Variants in GSX1 observed in about 807,000 individuals in gnomAD.
The protein encoded by GSX1 is GS homeobox 1.
GSX1 carries 13 observed loss-of-function variants against 17.7 expected under a neutral mutation model. The observed-to-expected ratio is 0.74, with a 90% CI of 0.48 to 1.17. The LOEUF (loss-of-function observed/expected upper bound fraction) is 1.17, where lower values mean the gene tolerates loss of function less well. GSX1 is among the 50% of genes most tolerant of loss of function. GSX1 has a pLI of 0.00. For missense variants in GSX1, 371 were observed against 372.1 expected (o/e 1.00, Z 0.02); for synonymous variants, 202 against 176.2 (o/e 1.15, Z -1.16).
rs757083516 is a variant in GSX1 at position 27,793,968 on chromosome 13, G to T, written c.*20G>T. ...CCCTAGGCGCGTGTCTCCCTAGGTC[G>T]CCCACCCCAAGACCTCCCTGCGCCT... On this transcript the variant is annotated 3_prime_UTR_variant, in exon 2 of 2. Transcript: ENST00000302945. This position sits in a 1 kb window ranked among gnomAD's most constrained non-coding sequence, Gnocchi z 6.2. 29 of 1,528,824 alleles carry T rather than the reference G, an allele frequency of 1.9e-5. No individual in the cohort carries two copies. The highest frequency in any genetic ancestry group is 9.1e-5 in the South Asian group (7 of 77,340). 94.7% of individuals were successfully genotyped at this position (1,528,824 alleles called of 1,614,324 possible).
rs919848453 is a variant in GSX1 at position 27,794,577 on chromosome 13, C to T, written c.*629C>T. The T allele has an allele frequency of 1.3e-5, 2 of 152,130 alleles. No individual in the cohort carries two copies. The highest frequency in any genetic ancestry group is 4.8e-5 in the African/African-American group (2 of 41,404). The allele number at this position is 152,130 out of a possible 1,614,324, so 9.4% of individuals were successfully genotyped here. On this transcript the variant is annotated 3_prime_UTR_variant, in exon 2 of 2. Coordinates refer to ENST00000302945, the MANE Select transcript of GSX1 (RefSeq NM_145657.3). ...TTGCTGTCCTCAGTCCCCACGGCTC[C>T]TCTCACAGATGATAAATTTCGCCCG... is the stretch of plus-strand genomic sequence containing the variant.
chr13:27,792,806 T>C lies in GSX1; in HGVS notation c.116T>C (p.Leu39Pro), dbSNP rs1292127694. The stretch of plus-strand genomic sequence containing the variant: ...TACGCTGTGCCCCCGCCGCACGCGC[T>C]GCACGGTCTCTCGCCTGGCGCCTGC... ...FPYAVPPPHA[L>P]HGLSPGACHA... The change falls in exon 1 of 2, where the codon CTG becomes CCG. Residue 39 changes from leucine (L) to proline (P), a missense_variant. Leu to Pro is a moderately conservative substitution (Grantham distance 98, BLOSUM62 -3). Transcript: ENST00000302945. 6 of 1,506,238 alleles carry C rather than the reference T, an allele frequency of 4.0e-6. No homozygotes were observed. In the African/African-American group the frequency reaches 7.2e-5, roughly 18 times the overall value. 93.3% of individuals were successfully genotyped at this position (1,506,238 alleles called of 1,614,324 possible).
chr13:27,793,811 G>C lies in GSX1; in HGVS notation c.658G>C (p.Gly220Arg). Residue 220 changes from glycine to arginine, a missense_variant, in exon 2 of 2, where the codon GGT becomes CGT. Around this residue, in one of 3 missense-constraint regions of GSX1, gnomAD observed 92 missense variants for 70.0 expected, o/e 1.31. Transcript: ENST00000302945. This position sits in a 1 kb window ranked among gnomAD's most constrained non-coding sequence, Gnocchi z 6.2. ...NHRGGGGGGA[G>R]GGGSAPQGCK... Reference sequence around the variant, plus strand: ...TCGTGGCGGCGGCGGCGGGGGTGCCGGTGGTGGCGGGAGCGCACCGCAAGG... The same window carrying C: ...TCGTGGCGGCGGCGGCGGGGGTGCCCGTGGTGGCGGGAGCGCACCGCAAGG... 6.2e-7 allele frequency: 1 copy of C among 1,613,418 alleles called. No homozygotes were observed. The highest frequency in any genetic ancestry group is 8.5e-7 in the Non-Finnish European group (1 of 1,179,688).
Position 27,792,725 on chromosome 13 carries a change from T to G in GSX1, c.35T>G (p.Leu12Arg). 6.8e-7 allele frequency: 1 copy of G among 1,475,602 alleles called. No individual in the cohort carries two copies. The highest frequency in any genetic ancestry group is 8.9e-7 in the Non-Finnish European group (1 of 1,122,466). The allele number at this position is 1,475,602 out of a possible 1,614,324, so 91.4% of individuals were successfully genotyped here. A position where few individuals can be genotyped will look rare whatever the true frequency, so the allele number is the denominator to read the frequency against. The change falls in exon 1 of 2, where the codon CTG (leucine) becomes CGG (arginine). Residue 12 changes from leucine (L) to arginine (R), a missense_variant. Leu to Arg is a moderately radical substitution (Grantham distance 102). Transcript: ENST00000302945. Reference sequence around the variant, plus strand: ...TCCTTCCTGGTGGACTCGCTAGTGCTGCGCGAGGCGGGCGAGAAGAAGGCG... The same window carrying G: ...TCCTTCCTGGTGGACTCGCTAGTGCGGCGCGAGGCGGGCGAGAAGAAGGCG... Reference protein sequence around the residue: ...PRSFLVDSLVLREAGEKKAPE... With the variant: ...PRSFLVDSLVRREAGEKKAPE...
In GSX1 at chr13:27,792,730, G is replaced by C. The variant is rs1385255827; in HGVS notation, c.40G>C (p.Glu14Gln). 2.0e-6 allele frequency: 3 copies of C among 1,477,614 alleles called. No individual in the cohort carries two copies. Among genetic ancestry groups the C allele is most frequent in the Non-Finnish European group, 1.8e-6 (2 of 1,123,364 alleles). The allele number at this position is 1,477,614 out of a possible 1,614,324, so 91.5% of individuals were successfully genotyped here. The change falls in exon 1 of 2, where the codon GAG (glutamate) becomes CAG (glutamine). Residue 14 changes from glutamate to glutamine, a missense_variant. Physicochemically the swap from Glu to Gln is conservative, Grantham distance 29. This residue lies in a region of GSX1 where 212 missense variants were observed against 193.9 expected (regional missense o/e 1.09). Transcript: ENST00000302945. ...CCTGGTGGACTCGCTAGTGCTGCGC[G>C]AGGCGGGCGAGAAGAAGGCGCCCGA... is the stretch of plus-strand genomic sequence containing the variant. ...SFLVDSLVLREAGEKKAPEGS... is the reference protein window; with the variant it reads ...SFLVDSLVLRQAGEKKAPEGS...
In GSX1 at chr13:27,793,926, G is replaced by C. The variant is rs1238312718; in HGVS notation, c.773G>C (p.Arg258Pro). 1 of 1,560,262 alleles carries C rather than the reference G, an allele frequency of 6.4e-7. No homozygotes were observed. Among genetic ancestry groups the C allele is most frequent in the South Asian group, 1.2e-5 (1 of 81,278 alleles). The change falls in exon 2 of 2, where the codon CGG becomes CCG. Residue 258 changes from arginine to proline, a missense_variant. Coordinates refer to ENST00000302945, the MANE Select transcript of GSX1 (RefSeq NM_145657.3). The surrounding 1 kb of genome is among the most constrained non-coding windows in gnomAD (Gnocchi z 6.2). ...MSPSSSGKDD[R>P]DLTVTP Reference sequence around the variant, plus strand: ...CCGTCCTCCTCAGGGAAGGACGACCGGGATCTTACGGTCACTCCCTAGGCG... The same window carrying C: ...CCGTCCTCCTCAGGGAAGGACGACCCGGATCTTACGGTCACTCCCTAGGCG...
In GSX1 at chr13:27,793,336, G is replaced by C. The variant is rs1007996001; in HGVS notation, c.413-230G>C. Among the ~76,000 whole-genome samples, 1 of 152,140 alleles carries C rather than the reference G, an allele frequency of 6.6e-6. No homozygotes were observed. The highest frequency in any genetic ancestry group is 1.5e-5 in the Non-Finnish European group (1 of 68,020). ...GTGGGCCGGGGTAAGTGAGGGCTGGGATCCAAGGCTCTCCATGAAGGGGAA... is the reference window on the plus strand; with the variant it reads ...GTGGGCCGGGGTAAGTGAGGGCTGGCATCCAAGGCTCTCCATGAAGGGGAA... On this transcript the variant is annotated intron_variant, in intron 1 of 1. Coordinates refer to ENST00000302945, the MANE Select transcript of GSX1 (RefSeq NM_145657.3). This position sits in a 1 kb window ranked among gnomAD's most constrained non-coding sequence, Gnocchi z 6.2.
Position 27,793,294 on chromosome 13 carries a change from C to T in GSX1, c.412+192C>T, listed in dbSNP as rs547969868. Among the ~76,000 whole-genome samples, 13 of 152,230 alleles carry T rather than the reference C, an allele frequency of 8.5e-5. No homozygotes were observed. The highest frequency in any genetic ancestry group is 3.9e-4 in the Admixed American group (6 of 15,288). On this transcript the variant is annotated intron_variant, in intron 1 of 1. Transcript: ENST00000302945. This position sits in a 1 kb window ranked among gnomAD's most constrained non-coding sequence, Gnocchi z 6.2. ...ACGCCAGGAGGCGGATGAGGGCAGA[C>T]GTCCAGGTCCTGGAGTGTGGGCCGG...
Position 27,794,700 on chromosome 13 carries a change from C to T in GSX1, c.*752C>T, listed in dbSNP as rs1043208791. ...GCTCTGCGCCGCTGGCGACCCCACT[C>T]TTCCCCCTCCAGACTCTGGCCCGCC... On this transcript the variant is annotated 3_prime_UTR_variant, in exon 2 of 2. Coordinates refer to ENST00000302945, the MANE Select transcript of GSX1 (RefSeq NM_145657.3). 1.3e-5 allele frequency: 2 copies of T among 152,222 alleles called. No homozygotes were observed. The highest frequency in any genetic ancestry group is 1.5e-5 in the Non-Finnish European group (1 of 68,060). 9.4% of individuals were successfully genotyped at this position (152,222 alleles called of 1,614,324 possible).
At position 27,792,549 on chromosome 13, in the gene GSX1, C is replaced by G; in HGVS notation, c.-142C>G. ...CCCACGGCAGCAGAGGCTACTGTTT[C>G]AGCCTAGGTCTCAGCCGCGCGTTCA... On this transcript the variant is annotated 5_prime_UTR_variant, in exon 1 of 2. Coordinates refer to ENST00000302945, the MANE Select transcript of GSX1 (RefSeq NM_145657.3). 1.5e-6 allele frequency: 1 copy of G among 685,228 alleles called. No individual in the cohort carries two copies. Among genetic ancestry groups the G allele is most frequent in the Non-Finnish European group, 2.2e-6 (1 of 464,418 alleles). The allele number at this position is 685,228 out of a possible 1,614,324, so 42.4% of individuals were successfully genotyped here. A position where few individuals can be genotyped will look rare whatever the true frequency, so the allele number is the denominator to read the frequency against.
Position 27,792,838 on chromosome 13 carries a change from C to G in GSX1, c.148C>G (p.Arg50Gly), listed in dbSNP as rs760676120. 8 of 1,509,724 alleles carry G rather than the reference C, an allele frequency of 5.3e-6. No homozygotes were observed. Among genetic ancestry groups the G allele is most frequent in the Non-Finnish European group, 7.0e-6 (8 of 1,136,582 alleles). 93.5% of individuals were successfully genotyped at this position (1,509,724 alleles called of 1,614,324 possible). The change falls in exon 1 of 2, where the codon CGC (arginine) becomes GGC (glycine). Residue 50 changes from arginine (R) to glycine (G), a missense_variant. Physicochemically the swap from Arg to Gly is moderately radical, Grantham distance 125. This residue lies in a region of GSX1 where 212 missense variants were observed against 193.9 expected (regional missense o/e 1.09). Coordinates refer to ENST00000302945, the MANE Select transcript of GSX1 (RefSeq NM_145657.3). ...HGLSPGACHA[R>G]KAGLLCVCPL... ...TCTCTCGCCTGGCGCCTGCCACGCG[C>G]GCAAGGCTGGGCTGCTGTGCGTGTG...
chr13:27,794,145 G>A lies in GSX1; in HGVS notation c.*197G>A, dbSNP rs1957085822. 1 of 613,476 alleles carries A rather than the reference G, an allele frequency of 1.6e-6. No homozygotes were observed. The highest frequency in any genetic ancestry group is 2.7e-6 in the Non-Finnish European group (1 of 367,064). 38.0% of individuals were successfully genotyped at this position (613,476 alleles called of 1,614,324 possible). ...TGGACCATGGCGTCCCCGCCCCAGG[G>A]CTCGCTCGTGTCCAAAGCCAACTCC... On this transcript the variant is annotated 3_prime_UTR_variant, in exon 2 of 2. Coordinates refer to ENST00000302945, the MANE Select transcript of GSX1 (RefSeq NM_145657.3).
rs774623623 is a variant in GSX1, at chr13:27,793,858, C to T, written c.705C>T (p.Ser235=). The T allele has an allele frequency of 9.9e-6, 16 of 1,608,072 alleles. No homozygotes were observed. The highest frequency in any genetic ancestry group is 3.3e-4 in the Middle Eastern group (2 of 6,056). ...AAGGCTGCAAGTGCGCATCGCTCTC[C>T]TCAGCCAAGTGCTCCGAGGATGACG... ...APQGCKCASL[S]SAKCSEDDDE... Residue 235 remains serine (S), a synonymous_variant, in exon 2 of 2, where the codon TCC becomes TCT. Transcript: ENST00000302945. The surrounding 1 kb of genome is among the most constrained non-coding windows in gnomAD (Gnocchi z 6.2).
In GSX1 at chr13:27,793,309, G is replaced by A. The variant is rs1211059827; in HGVS notation, c.412+207G>A. On this transcript the variant is annotated intron_variant, in intron 1 of 1. Transcript: ENST00000302945. The surrounding 1 kb of genome is among the most constrained non-coding windows in gnomAD (Gnocchi z 6.2). Reference sequence around the variant, plus strand: ...TGAGGGCAGACGTCCAGGTCCTGGAGTGTGGGCCGGGGTAAGTGAGGGCTG... The same window carrying A: ...TGAGGGCAGACGTCCAGGTCCTGGAATGTGGGCCGGGGTAAGTGAGGGCTG... Among the ~76,000 whole-genome samples, 1 of 152,174 alleles carries A rather than the reference G, an allele frequency of 6.6e-6. No individual in the cohort carries two copies. The highest frequency in any genetic ancestry group is 1.5e-5 in the Non-Finnish European group (1 of 68,022).
Position 27,792,778 on chromosome 13 carries a change from C to T in GSX1, c.88C>T (p.Pro30Ser). ...CGAGGGCAGCCCGCCGCCGCTCTTC[C>T]CCTACGCTGTGCCCCCGCCGCACGC... ...APEGSPPPLF[P>S]YAVPPPHALH... is the part of the protein sequence containing the mutation. Residue 30 changes from proline to serine, a missense_variant, in exon 1 of 2, where the codon CCC (proline) becomes TCC (serine). Around this residue, in one of 3 missense-constraint regions of GSX1, gnomAD observed 212 missense variants for 193.9 expected, o/e 1.09. Transcript: ENST00000302945. 1 of 1,498,774 alleles carries T rather than the reference C, an allele frequency of 6.7e-7. No homozygotes were observed. Among genetic ancestry groups the T allele is most frequent in the South Asian group, 1.3e-5 (1 of 79,870 alleles). The allele number at this position is 1,498,774 out of a possible 1,614,324, so 92.8% of individuals were successfully genotyped here.
Position 27,792,794 on chromosome 13 carries a change from C to A in GSX1, c.104C>A (p.Pro35Gln). 2 of 1,501,062 alleles carry A rather than the reference C, an allele frequency of 1.3e-6. No homozygotes were observed. The highest frequency in any genetic ancestry group is 1.8e-6 in the Non-Finnish European group (2 of 1,133,260). 93.0% of individuals were successfully genotyped at this position (1,501,062 alleles called of 1,614,324 possible). The change falls in exon 1 of 2, where the codon CCG (proline) becomes CAG (glutamine). Residue 35 changes from proline (P) to glutamine (Q), a missense_variant. Around this residue, in one of 3 missense-constraint regions of GSX1, gnomAD observed 212 missense variants for 193.9 expected, o/e 1.09. Coordinates refer to ENST00000302945, the MANE Select transcript of GSX1 (RefSeq NM_145657.3). ...PPPLFPYAVP[P>Q]PHALHGLSPG... Reference sequence around the variant, plus strand: ...CCGCTCTTCCCCTACGCTGTGCCCCCGCCGCACGCGCTGCACGGTCTCTCG... The same window carrying A: ...CCGCTCTTCCCCTACGCTGTGCCCCAGCCGCACGCGCTGCACGGTCTCTCG...
In GSX1 at chr13:27,793,187, G is replaced by C; in HGVS notation, c.412+85G>C. On this transcript the variant is annotated intron_variant, in intron 1 of 1. Transcript: ENST00000302945. The surrounding 1 kb of genome is among the most constrained non-coding windows in gnomAD (Gnocchi z 6.2). Reference sequence around the variant, plus strand: ...CCAGAGATGGAGGAAGAGGGACCCTGGGCTTTCTGGGGGCGGTGAGGGTCA... The same window carrying C: ...CCAGAGATGGAGGAAGAGGGACCCTCGGCTTTCTGGGGGCGGTGAGGGTCA... 7.4e-7 allele frequency: 1 copy of C among 1,357,872 alleles called. No homozygotes were observed. Among genetic ancestry groups the C allele is most frequent in the Non-Finnish European group, 9.7e-7 (1 of 1,033,026 alleles). The allele number at this position is 1,357,872 out of a possible 1,614,324, so 84.1% of individuals were successfully genotyped here. A position where few individuals can be genotyped will look rare whatever the true frequency, so the allele number is the denominator to read the frequency against.
chr13:27,793,759 C>T lies in GSX1; in HGVS notation c.606C>T (p.His202=), dbSNP rs1025844856. ...KIWFQNRRVK[H]KKEGKGSNHR... The stretch of plus-strand genomic sequence containing the variant: ...GGTTTCAGAACCGCCGAGTGAAGCA[C>T]AAGAAGGAGGGCAAGGGCAGCAACC... Residue 202 remains histidine (H), a synonymous_variant, in exon 2 of 2, where the codon CAC becomes CAT. Coordinates refer to ENST00000302945, the MANE Select transcript of GSX1 (RefSeq NM_145657.3). The surrounding 1 kb of genome is among the most constrained non-coding windows in gnomAD (Gnocchi z 6.2). 21 of 1,614,094 alleles carry T rather than the reference C, an allele frequency of 1.3e-5. No homozygotes were observed. The African/African-American group carries it at 2.7e-4, about 21-fold the overall frequency.
rs1042465514 is a variant in GSX1, at chr13:27,792,777, C to A, written c.87C>A (p.Phe29Leu). 7 of 1,498,342 alleles carry A rather than the reference C, an allele frequency of 4.7e-6. No individual in the cohort carries two copies. The highest frequency in any genetic ancestry group is 2.3e-4 in the Middle Eastern group (1 of 4,258). The allele number at this position is 1,498,342 out of a possible 1,614,324, so 92.8% of individuals were successfully genotyped here. ...CCGAGGGCAGCCCGCCGCCGCTCTTCCCCTACGCTGTGCCCCCGCCGCACG... is the reference window on the plus strand; with the variant it reads ...CCGAGGGCAGCCCGCCGCCGCTCTTACCCTACGCTGTGCCCCCGCCGCACG... ...KAPEGSPPPLFPYAVPPPHAL... is the reference protein window; with the variant it reads ...KAPEGSPPPLLPYAVPPPHAL... Residue 29 changes from phenylalanine to leucine, a missense_variant, in exon 1 of 2, where the codon TTC becomes TTA. Phe to Leu is a conservative substitution (Grantham distance 22). Around this residue, in one of 3 missense-constraint regions of GSX1, gnomAD observed 212 missense variants for 193.9 expected, o/e 1.09. Transcript: ENST00000302945.
Sources: allele counts gnomAD v4.1 joint callset (sites outside exome capture counted in the v4.1 genomes callset), GRCh38; gene constraint gnomAD v4.1.1; regional missense constraint gnomAD v4.1.1; non-coding constraint Gnocchi (gnomAD v3.1); transcripts MANE v1.5; gene names NCBI Gene and HGNC (gene_info 2026-07-23, HGNC 2026-07-21).